Variants in UGGT2 observed in about 807,000 individuals in gnomAD.
The protein encoded by UGGT2 is UDP-glucose glycoprotein glucosyltransferase 2, also known as UDP-glucose:glycoprotein glucosyltransferase 2.
Under a neutral mutation model 192.1 loss-of-function variants are expected in UGGT2, and 180 were observed. The observed-to-expected ratio is 0.94, with a 90% CI of 0.83 to 1.06. The LOEUF is 1.06. Ranked by LOEUF, UGGT2 falls within the 50% of genes least tolerant of loss-of-function variation. The pLI, the probability that UGGT2 is intolerant of heterozygous loss-of-function variation, is 0.00. For missense variants in UGGT2, 1,849 were observed against 1,795.7 expected, an observed-to-expected ratio of 1.03 and a Z score of -0.54; for synonymous variants, 580 against 591.0, an observed-to-expected ratio of 0.98 and a Z score of 0.27.
At chr13:95,881,858 A>G (rs1594223563) in intron 27 of UGGT2, among the ~76,000 whole-genome samples, 1 of 151,700 alleles carries the variant, frequency 6.6e-6, no homozygotes, top group African/African-American at 2.4e-5. Flanking sequence ...AACAATAAGC[A>G]CTGAGAAGAG....
At position 95,927,201 on chromosome 13, in the gene UGGT2, G is replaced by A. The variant is rs531688603; in HGVS notation, c.2101+12C>T. 63 of 1,611,448 alleles carry A rather than the reference G, an allele frequency of 3.9e-5. No homozygotes were observed. In the South Asian group the frequency reaches 6.5e-4, roughly 17 times the overall value. ...CAATAAACATTTGTAGAACAGTATA[G>A]GATTATTTTACCTGATGTAGATATT... On this transcript the variant is annotated intron_variant, in intron 18 of 38. Transcript: ENST00000376747.
intron 7 of UGGT2, chr13:95,991,595 T>G (rs937588540): frequency 4.7e-6 from 1 of 213,394 alleles, no homozygotes; most frequent in African/African-American, 2.3e-5. Context: ...GGATCATGTT[T>G]TGAAAACAAA....
intron 20 of UGGT2, among the ~76,000 whole-genome samples, chr13:95,913,827 GAACC>G (rs1384912686): frequency 2.6e-5 from 4 of 152,042 alleles, no homozygotes; most frequent in Admixed American, 6.6e-5. Flanking sequence ...CAAAGACTTG[GAACC>G]AACCCAAATG....
At chr13:95,973,530 A>G (rs1348378340) in intron 10 of UGGT2, among the ~76,000 whole-genome samples, 1 of 152,230 alleles carries the variant, frequency 6.6e-6, no homozygotes, top group Admixed American at 6.5e-5. Flanking sequence ...CTAAATTCAT[A>G]AAAGTTTCCA....
At chr13:95,886,682 C>T (rs1004814446) in intron 26 of UGGT2, among the ~76,000 whole-genome samples, 2 of 152,158 alleles carry the variant, frequency 1.3e-5, no homozygotes, top group Non-Finnish European at 2.9e-5. Flanking sequence ...AAGTCCTAAA[C>T]TTTCACTTAA....
chr13:95,948,149 T>A, intron 13 of UGGT2, 68 bp from the exon 14 acceptor site: 1 of 1,325,642 alleles, frequency 7.5e-7, no homozygotes, highest in Non-Finnish European at 1.0e-6. Context: ...AAGTTTAGAC[T>A]AATTTTTGTG....
intron 16 of UGGT2, among the ~76,000 whole-genome samples, chr13:95,937,646 G>A (rs1029110139): frequency 6.6e-6 from 1 of 152,156 alleles, no homozygotes; most frequent in Non-Finnish European, 1.5e-5. Context: ...ACACAGGCAT[G>A]TAGAAGACTC....
At chr13:96,043,866 A>T (rs528377613) in intron 1 of UGGT2, among the ~76,000 whole-genome samples, 5 of 152,286 alleles carry the variant, frequency 3.3e-5, no homozygotes, top group African/African-American at 1.2e-4. Flanking sequence ...TTTATAAAAC[A>T]ATTACTACTA....
At chr13:95,919,580 G>C (rs192796247) in intron 20 of UGGT2, among the ~76,000 whole-genome samples, 1 of 151,212 alleles carries the variant, frequency 6.6e-6, no homozygotes, top group East Asian at 1.9e-4. Context: ...ACAACAAGTA[G>C]GCAGAGAGCC....
chr13:95,893,129 C>G (rs2047849392), intron 24 of UGGT2, among the ~76,000 whole-genome samples: 1 of 152,112 alleles, frequency 6.6e-6, no homozygotes, highest in Non-Finnish European at 1.5e-5. Context: ...TACTCCTACT[C>G]TTTCTCCTTT....
intron 24 of UGGT2, among the ~76,000 whole-genome samples, chr13:95,894,154 G>A (rs1358720322): frequency 1.3e-5 from 2 of 152,102 alleles, no homozygotes; most frequent in African/African-American, 4.8e-5. Flanking sequence ...GAACTCTCGC[G>A]CATGCATGTG....
At chr13:96,041,692 G>A (rs1010859837) in intron 1 of UGGT2, among the ~76,000 whole-genome samples, 3 of 152,184 alleles carry the variant, frequency 2.0e-5, no homozygotes. Flanking sequence ...GGGCACAGAG[G>A]GAGTGAGACT....
At chr13:95,843,065 T>C (rs1337509245) in intron 36 of UGGT2, among the ~76,000 whole-genome samples, 6 of 152,244 alleles carry the variant, frequency 3.9e-5, no homozygotes, top group African/African-American at 1.4e-4. Flanking sequence ...TTATGAATAA[T>C]GCTACTATGA....
chr13:95,863,396 C>T, intron 31 of UGGT2: 1 of 362,520 alleles, frequency 2.8e-6, no homozygotes, highest in Non-Finnish European at 5.0e-6. Flanking sequence ...CCCAAGGTTC[C>T]TTGTAAGTGG....
chr13:95,891,603 T>C (rs2047802359), intron 24 of UGGT2, among the ~76,000 whole-genome samples: 1 of 152,100 alleles, frequency 6.6e-6, no homozygotes, highest in South Asian at 2.1e-4. Flanking sequence ...AATTCTACAT[T>C]TAATATAATT....
At chr13:96,036,601 C>G (rs2139179832) in intron 1 of UGGT2, among the ~76,000 whole-genome samples, 1 of 152,204 alleles carries the variant, frequency 6.6e-6, no homozygotes, top group Non-Finnish European at 1.5e-5. Flanking sequence ...AAAGTTATTC[C>G]CTCAATACAT....
intron 12 of UGGT2, among the ~76,000 whole-genome samples, chr13:95,957,649 C>A (rs1223337599): frequency 1.3e-5 from 2 of 152,210 alleles, no homozygotes; most frequent in African/African-American, 4.8e-5. Context: ...AACTGCTCCT[C>A]CACACACAGA....
chr13:95,999,242 T>C lies in UGGT2; in HGVS notation c.726A>G (p.Glu242=), dbSNP rs746640542. The stretch of plus-strand genomic sequence containing the variant: ...CTTGGGTATCATCCAGTGCTTTGTA[T>C]TCTGTACTCTTAATTGCTAGCTCCA... ...YGVELAIKST[E]YKALDDTQVK... The change falls in exon 6 of 39, where the codon GAA becomes GAG. Residue 242 remains glutamate, a synonymous_variant. Transcript: ENST00000376747. 1.9e-6 allele frequency: 3 copies of C among 1,613,686 alleles called. No individual in the cohort carries two copies. Among genetic ancestry groups the C allele is most frequent in the Non-Finnish European group, 2.5e-6 (3 of 1,179,726 alleles).
chr13:95,868,387 G>C (rs1890875504), intron 29 of UGGT2, among the ~76,000 whole-genome samples: 1 of 150,856 alleles, frequency 6.6e-6, no homozygotes, highest in Non-Finnish European at 1.5e-5. Flanking sequence ...CTTGAGTCTA[G>C]GAGTTTGAGA....
Sources: gnomAD v4.1 joint callset for allele counts (sites outside exome capture counted in the v4.1 genomes callset) on GRCh38, gnomAD v4.1.1 for gene constraint, MANE v1.5 for transcripts, NCBI Gene and HGNC (gene_info 2026-07-23, HGNC 2026-07-21) for gene names.